Variants in BCHE observed in about 807,000 individuals in gnomAD.
BCHE encodes butyrylcholinesterase.
Under a neutral mutation model 51.3 loss-of-function variants are expected in BCHE, and 48 were observed. The ratio of observed to expected loss-of-function variants is 0.94; its 90% CI spans 0.74 to 1.19. The LOEUF is 1.19. Among genes scored for constraint, BCHE ranks in the 50% most tolerant of loss-of-function variants. BCHE has a pLI of 0.00. For missense variants in BCHE, 847 were observed against 708.2 expected (o/e 1.20, Z -2.23); for synonymous variants, 251 against 238.0 (o/e 1.05, Z -0.50).
Position 165,773,058 on chromosome 3 carries a change from C to T in BCHE, c.*324G>A, listed in dbSNP as rs1157164841. ...CGAGTGGTAATGAAAATACACGTGA[C>T]TAAAAGCAGAGCACTGATAATTTTG... On this transcript the variant is annotated 3_prime_UTR_variant, in exon 4 of 4. Transcript: ENST00000264381. 2 of 202,320 alleles carry T rather than the reference C, an allele frequency of 9.9e-6. No homozygotes were observed. Among genetic ancestry groups the T allele is most frequent in the African/African-American group, 4.9e-5 (2 of 41,072 alleles). 12.5% of individuals were successfully genotyped at this position (202,320 alleles called of 1,614,324 possible).
chr3:165,790,891 G>A (rs1265852133), intron 2 of BCHE, among the ~76,000 whole-genome samples: 2 of 152,122 alleles, frequency 1.3e-5, no homozygotes, highest in Non-Finnish European at 2.9e-5. Context: ...TGTAGGAGGT[G>A]AGGTTGGAGA....
chr3:165,791,952 A>C (rs1713185367), intron 2 of BCHE, among the ~76,000 whole-genome samples: 1 of 148,146 alleles, frequency 6.8e-6, no homozygotes, highest in Non-Finnish European at 1.5e-5. Context: ...ATCTCAAAAA[A>C]TAAAATAAAA....
chr3:165,773,521 A>T lies in BCHE; in HGVS notation c.1685-15T>A, dbSNP rs1342594559. ...ATCAATATTTCCTGTAAAATATGGA[A>T]TAAGTTGTATTAATCAAAATTTTTA... On this transcript the variant is annotated splice_polypyrimidine_tract_variant and intron_variant, in intron 3 of 3. Coordinates refer to ENST00000264381, the MANE Select transcript of BCHE (RefSeq NM_000055.4). 2 of 1,598,104 alleles carry T rather than the reference A, an allele frequency of 1.3e-6. No individual in the cohort carries two copies. The highest frequency in any genetic ancestry group is 1.7e-6 in the Non-Finnish European group (2 of 1,167,452).
chr3:165,798,422 G>T (rs1166020782), intron 2 of BCHE, among the ~76,000 whole-genome samples: 1 of 152,042 alleles, frequency 6.6e-6, no homozygotes, highest in African/African-American at 2.4e-5. Context: ...TAGAAATTTT[G>T]TATCTATTAG....
At chr3:165,783,836 G>C (rs1334847856) in intron 3 of BCHE, among the ~76,000 whole-genome samples, 3 of 151,936 alleles carry the variant, frequency 2.0e-5, no homozygotes, top group Non-Finnish European at 4.4e-5. Flanking sequence ...ATCTGAATTT[G>C]ATAACATTTG....
chr3:165,789,111 C>T lies in BCHE; in HGVS notation c.1518-2800G>A, dbSNP rs759441753. On this transcript the variant is annotated intron_variant, in intron 2 of 3. Transcript: ENST00000264381. ...TATTTCTCAAAGAATTTTTTGTTCT[C>T]GTCACAAAATAAATACTTCAAAATA... is the stretch of plus-strand genomic sequence containing the variant. Among the ~76,000 whole-genome samples, 77 of 152,004 alleles carry T rather than the reference C, an allele frequency of 5.1e-4. 1 individual carries two copies. Among genetic ancestry groups the T allele is most frequent in the Non-Finnish European group, 9.4e-4 (64 of 67,972 alleles).
intron 2 of BCHE, among the ~76,000 whole-genome samples, chr3:165,789,721 G>A (rs915104796): frequency 6.6e-6 from 1 of 151,958 alleles, no homozygotes; most frequent in Non-Finnish European, 1.5e-5. Context: ...ATTTTAAAAT[G>A]TTAAAATATT....
intron 3 of BCHE, among the ~76,000 whole-genome samples, chr3:165,785,903 T>C (rs1380899305): frequency 6.6e-6 from 1 of 151,768 alleles, no homozygotes; most frequent in Non-Finnish European, 1.5e-5. Context: ...TTCCACAGGG[T>C]GAAATCTATA....
At chr3:165,803,367 T>C (rs1183706653) in intron 2 of BCHE, among the ~76,000 whole-genome samples, 1 of 151,994 alleles carries the variant, frequency 6.6e-6, no homozygotes, top group African/African-American at 2.4e-5. Context: ...TTGTAATGAG[T>C]TTCTAACTCA....
At position 165,830,034 on chromosome 3, in the gene BCHE, A is replaced by G. The variant is rs1280994046; in HGVS notation, c.1000T>C (p.Leu334=). 3.1e-6 allele frequency: 5 copies of G among 1,613,776 alleles called. No homozygotes were observed. The highest frequency in any genetic ancestry group is 3.4e-6 in the Non-Finnish European group (4 of 1,179,888). ...TTTTTAAATTGTCCAAGTTCAAGTA[A>G]TATGTCTGGCATGTCAGTGAGAAAA... The part of the protein sequence containing the change: ...GDFLTDMPDI[L]LELGQFKKTQ... Residue 334 remains leucine (L), a synonymous_variant, in exon 2 of 4, where the codon TTA becomes CTA. Coordinates refer to ENST00000264381, the MANE Select transcript of BCHE (RefSeq NM_000055.4).
intron 3 of BCHE, among the ~76,000 whole-genome samples, chr3:165,780,600 T>A (rs1294548706): frequency 1.3e-5 from 2 of 151,968 alleles, no homozygotes; most frequent in Non-Finnish European, 2.9e-5. Flanking sequence ...AGTGGGCACA[T>A]AATACGAACA....
At chr3:165,785,937 C>T (rs1035594625) in intron 3 of BCHE, among the ~76,000 whole-genome samples, 1 of 151,546 alleles carries the variant, frequency 6.6e-6, no homozygotes, top group African/African-American at 2.4e-5. Context: ...TATTTAACTA[C>T]TAAAGTACTG....
At chr3:165,834,697 A>G (rs868580593) in intron 1 of BCHE, among the ~76,000 whole-genome samples, 1 of 151,978 alleles carries the variant, frequency 6.6e-6, no homozygotes, top group Non-Finnish European at 1.5e-5. Flanking sequence ...AGAGAAATAA[A>G]TGAAAATAGA....
intron 2 of BCHE, among the ~76,000 whole-genome samples, chr3:165,791,410 A>C (rs1269587861): frequency 6.6e-6 from 1 of 152,184 alleles, no homozygotes; most frequent in Non-Finnish European, 1.5e-5. Context: ...GGAGGCTACT[A>C]AAATAATTTA....
intron 2 of BCHE, among the ~76,000 whole-genome samples, chr3:165,794,784 T>C (rs1713307036): frequency 5.3e-5 from 8 of 152,094 alleles, no homozygotes; most frequent in Admixed American, 5.2e-4. Flanking sequence ...GTCTGTGTGT[T>C]TGCATCTCTG....
intron 3 of BCHE, among the ~76,000 whole-genome samples, chr3:165,774,934 GAC>G (rs3836431): frequency 0.079 from 12,001 of 152,148 alleles, 579 homozygotes; most frequent in East Asian, 0.11. Context: ...AATGTTTTAA[GAC>G]ACATATTTTT....
At chr3:165,820,476 G>GA (rs1241084014) in intron 2 of BCHE, among the ~76,000 whole-genome samples, 1 of 151,518 alleles carries the variant, frequency 6.6e-6, no homozygotes, top group East Asian at 1.9e-4. Flanking sequence ...TTTCTAAGGA[G>GA]AAAAAAAGAT....
Position 165,830,408 on chromosome 3 carries a change from T to G in BCHE, c.626A>C (p.Asn209Thr), listed in dbSNP as rs1167281006. The G allele has an allele frequency of 1.2e-6, 2 of 1,613,628 alleles. No individual in the cohort carries two copies. The highest frequency in any genetic ancestry group is 2.2e-5 in the East Asian group (1 of 44,884). The change falls in exon 2 of 4, where the codon AAT becomes ACT. Residue 209 changes from asparagine to threonine, a missense_variant. Asn to Thr is a moderately conservative substitution (Grantham distance 65, BLOSUM62 0). Coordinates refer to ENST00000264381, the MANE Select transcript of BCHE (RefSeq NM_000055.4). ...QQLALQWVQK[N>T]IAAFGGNPKS... The stretch of plus-strand genomic sequence containing the variant: ...AGGATTTCCACCAAAGGCTGCTATA[T>G]TTTTTTGAACCCACTGAAGAGCCAA...
chr3:165,794,370 C>T (rs1036287189), intron 2 of BCHE, among the ~76,000 whole-genome samples: 14 of 152,076 alleles, frequency 9.2e-5, no homozygotes, highest in African/African-American at 2.7e-4. Context: ...CACAAGCTGT[C>T]ATAGTCTGCT....
Sources: gnomAD v4.1 joint callset for allele counts (sites outside exome capture counted in the v4.1 genomes callset) on GRCh38, gnomAD v4.1.1 for gene constraint, MANE v1.5 for transcripts, NCBI Gene and HGNC (gene_info 2026-07-23, HGNC 2026-07-21) for gene names.